SPAG16: variants seen among roughly 807,000 people sequenced by gnomAD.
SPAG16 encodes the protein sperm-associated antigen 16 protein.
A neutral mutation model predicts 80.4 loss-of-function variants in SPAG16; 86 were observed. The ratio of observed to expected loss-of-function variants is 1.07; its 90% confidence interval spans 0.90 to 1.28. The LOEUF (loss-of-function observed/expected upper bound fraction) is 1.28, where lower values mean the gene tolerates loss of function less well. Among genes scored for constraint, SPAG16 ranks in the 50% most tolerant of loss-of-function variants. SPAG16 has a pLI of 0.00. For missense variants in SPAG16, 870 were observed against 765.3 expected (o/e 1.14, Z -1.61); for synonymous variants, 294 against 265.9 (o/e 1.11, Z -1.03).
At chr2:213,817,919 A>G (rs1479592804) in intron 10 of SPAG16, among the ~76,000 whole-genome samples, 1 of 152,184 alleles carries the variant, frequency 6.6e-6, no homozygotes, top group Non-Finnish European at 1.5e-5. Flanking sequence ...CCTCAGCATC[A>G]CACAATATAC....
At chr2:214,150,791 C>A (rs2055936591) in intron 15 of SPAG16, among the ~76,000 whole-genome samples, 1 of 151,514 alleles carries the variant, frequency 6.6e-6, no homozygotes, top group African/African-American at 2.4e-5. Context: ...TCTTTGCCAT[C>A]CTTGTCATCC....
At chr2:213,531,504 T>C (rs975200393) in intron 10 of SPAG16, among the ~76,000 whole-genome samples, 2 of 151,924 alleles carry the variant, frequency 1.3e-5, no homozygotes, top group African/African-American at 4.8e-5. Context: ...AGCTGCAAGA[T>C]GCAGTTGTTT....
rs184634999 is a variant in SPAG16, at chr2:213,929,326, C to T, written c.1215-634C>T. Among the ~76,000 whole-genome samples, 9 of 151,980 alleles carry T rather than the reference C, an allele frequency of 5.9e-5. No homozygotes were observed. In the East Asian group the frequency reaches 1.7e-3, roughly 29 times the overall value. Reference sequence around the variant, plus strand: ...ACCGTGCCCGAGCCTGACGCCTACCCATTTCTTAAACTAGCTTTTGTGTCC... The same window carrying T: ...ACCGTGCCCGAGCCTGACGCCTACCTATTTCTTAAACTAGCTTTTGTGTCC... On this transcript the variant is annotated intron_variant, in intron 11 of 15. Transcript: ENST00000331683.
intron 10 of SPAG16, among the ~76,000 whole-genome samples, chr2:213,515,691 C>T (rs979117831): frequency 6.6e-6 from 1 of 152,016 alleles, no homozygotes; most frequent in African/African-American, 2.4e-5. Flanking sequence ...CTTTAAAGTG[C>T]TTAGGAGCAG....
intron 15 of SPAG16, among the ~76,000 whole-genome samples, chr2:214,164,875 C>T (rs2056584367): frequency 1.3e-5 from 2 of 152,016 alleles, no homozygotes; most frequent in Non-Finnish European, 2.9e-5. Context: ...AATTTAAATG[C>T]TCCGGACACT....
Position 213,814,872 on chromosome 2 carries a change from AATAT to A in SPAG16, c.1071-47598_1071-47595del, listed in dbSNP as rs34269015. Among the ~76,000 whole-genome samples the A allele has an allele frequency of 4.0e-5, 6 of 148,250 alleles. 1 individual carries two copies. The highest frequency in any genetic ancestry group is 9.9e-5 in the African/African-American group (4 of 40,348). ...TTTTCAAGAGAACATAACAGCCTTA[AATAT>A]ATATATATATATATCCATAGCTTCT... is the stretch of plus-strand genomic sequence containing the variant. On this transcript the variant is annotated intron_variant, in intron 10 of 15. Coordinates refer to ENST00000331683, the MANE Select transcript of SPAG16 (RefSeq NM_024532.5).
chr2:214,061,410 T>C (rs369412237), intron 13 of SPAG16, among the ~76,000 whole-genome samples: 5 of 152,302 alleles, frequency 3.3e-5, no homozygotes, highest in African/African-American at 1.2e-4. Flanking sequence ...AATGTATGCA[T>C]GCGTGTGTAT....
rs149543250 is a variant in SPAG16 at position 213,615,393 on chromosome 2, C to T, written c.1070+125303C>T. Among the ~76,000 whole-genome samples the T allele has an allele frequency of 6.3e-3, 959 of 152,270 alleles. 6 individuals carry two copies. The highest frequency in any genetic ancestry group is 0.011 in the Admixed American group (170 of 15,288). On this transcript the variant is annotated intron_variant, in intron 10 of 15. Transcript: ENST00000331683. The stretch of plus-strand genomic sequence containing the variant: ...ATCACCTGAGGCCAGGAATTCGAGA[C>T]CAGCCTGGCCAAGATGGTGAGACCC...
chr2:213,574,233 C>T (rs528108135), intron 10 of SPAG16, among the ~76,000 whole-genome samples: 1 of 152,230 alleles, frequency 6.6e-6, no homozygotes, highest in South Asian at 2.1e-4. Flanking sequence ...ATCAGCCCTG[C>T]TGGGACTATA....
At chr2:213,634,974 T>C (rs1290726333) in intron 10 of SPAG16, among the ~76,000 whole-genome samples, 1 of 151,856 alleles carries the variant, frequency 6.6e-6, no homozygotes, top group African/African-American at 2.4e-5. Context: ...ATATATATAC[T>C]CCACATTTTC....
chr2:213,858,027 TG>T (rs2075252576), intron 10 of SPAG16, among the ~76,000 whole-genome samples: 1 of 152,188 alleles, frequency 6.6e-6, no homozygotes, highest in Non-Finnish European at 1.5e-5. Context: ...TGATAAAACT[TG>T]AATGGATAAA....
chr2:213,948,556 C>A (rs960042225), intron 12 of SPAG16, among the ~76,000 whole-genome samples: 1 of 152,092 alleles, frequency 6.6e-6, no homozygotes, highest in Admixed American at 6.6e-5. Context: ...TATGCATTAT[C>A]TTTTTATTGA....
chr2:213,476,412 A>G (rs2073390693), intron 9 of SPAG16, among the ~76,000 whole-genome samples: 1 of 152,132 alleles, frequency 6.6e-6, no homozygotes, highest in African/African-American at 2.4e-5. Flanking sequence ...TAAAGTGAAC[A>G]TTTCCAACAC....
At chr2:213,663,065 C>T (rs1363734560) in intron 10 of SPAG16, among the ~76,000 whole-genome samples, 1 of 152,040 alleles carries the variant, frequency 6.6e-6, no homozygotes, top group East Asian at 1.9e-4. Context: ...TGAGAATTTT[C>T]AGGTTAATTT....
chr2:213,491,374 C>T (rs913329672), intron 10 of SPAG16, among the ~76,000 whole-genome samples: 22 of 152,304 alleles, frequency 1.4e-4, no homozygotes, highest in Admixed American at 7.8e-4. Context: ...ATAAGAACTT[C>T]AGACAACTTC....
At chr2:213,480,848 A>T (rs2073711606) in intron 9 of SPAG16, among the ~76,000 whole-genome samples, 1 of 152,202 alleles carries the variant, frequency 6.6e-6, no homozygotes, top group Non-Finnish European at 1.5e-5. Context: ...TGACCCTTTC[A>T]GATGTTTTTT....
intron 10 of SPAG16, among the ~76,000 whole-genome samples, chr2:213,721,198 C>T (rs1241193747): frequency 6.6e-6 from 1 of 152,106 alleles, no homozygotes; most frequent in African/African-American, 2.4e-5. Flanking sequence ...TTCCTGGGTT[C>T]AAGCTGCCTC....
chr2:213,581,920 C>T (rs1400105752), intron 10 of SPAG16, among the ~76,000 whole-genome samples: 1 of 152,090 alleles, frequency 6.6e-6, no homozygotes, highest in Non-Finnish European at 1.5e-5. Flanking sequence ...CACAAGATTT[C>T]CTTTTTTGCA....
At chr2:213,353,689 C>G (rs2065464538) in intron 7 of SPAG16, among the ~76,000 whole-genome samples, 1 of 152,086 alleles carries the variant, frequency 6.6e-6, no homozygotes, top group Non-Finnish European at 1.5e-5. Flanking sequence ...CCTCAGGCAT[C>G]TCGTCCCTCA....
Sources: allele counts gnomAD v4.1 joint callset (sites outside exome capture counted in the v4.1 genomes callset), GRCh38; gene constraint gnomAD v4.1.1; transcripts MANE v1.5; gene names NCBI Gene and HGNC (gene_info 2026-07-23, HGNC 2026-07-21).